GPC5: variants seen among roughly 807,000 people sequenced by gnomAD.
The protein encoded by GPC5 is glypican 5.
A neutral mutation model predicts 53.9 loss-of-function variants in GPC5; 47 were observed. The ratio of observed to expected loss-of-function variants is 0.87; its 90% CI spans 0.69 to 1.11. The LOEUF (loss-of-function observed/expected upper bound fraction) is 1.11. GPC5 is among the 50% of genes most tolerant of loss of function. The pLI, the probability that GPC5 is intolerant of heterozygous loss-of-function variation, is 0.00. For synonymous variants in GPC5, 286 were observed against 263.3 expected (o/e 1.09, Z -0.84); for missense variants, 748 against 713.1 (o/e 1.05, Z -0.56).
chr13:92,271,088 C>T lies in GPC5; in HGVS notation c.1561+126099C>T, dbSNP rs547313650. Among the ~76,000 whole-genome samples, 4 of 152,232 alleles carry T rather than the reference C, an allele frequency of 2.6e-5. No homozygotes were observed. In the East Asian group the frequency reaches 5.8e-4, roughly 22 times the overall value. ...TTGATGTAAACTATTGTTTCCAGGG[C>T]GCCCACAGAAACAATTTAGAGCCCA... is the stretch of plus-strand genomic sequence containing the variant. On this transcript the variant is annotated intron_variant, in intron 7 of 7. Coordinates refer to ENST00000377067, the MANE Select transcript of GPC5 (RefSeq NM_004466.6).
chr13:91,971,740 A>G (rs1477680091), intron 6 of GPC5, among the ~76,000 whole-genome samples: 1 of 152,146 alleles, frequency 6.6e-6, no homozygotes, highest in African/African-American at 2.4e-5. Context: ...AGTCATTCAG[A>G]AGCATGTTGT....
chr13:92,176,792 C>A (rs1286137684), intron 7 of GPC5, among the ~76,000 whole-genome samples: 2 of 152,140 alleles, frequency 1.3e-5, no homozygotes, highest in African/African-American at 4.8e-5. Context: ...ATTTCCAGCA[C>A]ACTACCAGGC....
intron 2 of GPC5, among the ~76,000 whole-genome samples, chr13:91,617,990 A>G (rs7996565): frequency 0.27 from 40,480 of 151,910 alleles, 7,002 homozygotes; most frequent in African/African-American, 0.5. Context: ...TCCTTCTTCT[A>G]TTTTTGCTCC....
At chr13:91,668,145 T>G (rs2035160890) in intron 2 of GPC5, among the ~76,000 whole-genome samples, 1 of 152,214 alleles carries the variant, frequency 6.6e-6, no homozygotes, top group Admixed American at 6.5e-5. Flanking sequence ...TTCCTTTTCC[T>G]TTTCTGCATG....
intron 2 of GPC5, among the ~76,000 whole-genome samples, chr13:91,476,521 C>CA (rs1882937808): frequency 1.3e-5 from 2 of 152,002 alleles, no homozygotes; most frequent in African/African-American, 4.8e-5. Context: ...TTTTGTAATA[C>CA]AAAATACATA....
chr13:92,509,476 A>T (rs964991388), intron 7 of GPC5: 27 of 152,102 alleles, frequency 1.8e-4, no homozygotes, highest in African/African-American at 6.0e-4. Flanking sequence ...ATATTTTCTT[A>T]TCTTTTTCTT....
chr13:92,527,208 A>G (rs924294559), intron 7 of GPC5, among the ~76,000 whole-genome samples: 1 of 32,900 alleles, frequency 3.0e-5, no homozygotes, highest in Admixed American at 4.0e-4. Context: ...AAAGAAAGAA[A>G]GAAAGAAAGA....
intron 7 of GPC5, among the ~76,000 whole-genome samples, chr13:92,488,506 C>G (rs1036538871): frequency 6.6e-6 from 1 of 152,158 alleles, no homozygotes; most frequent in African/African-American, 2.4e-5. Flanking sequence ...CGTGCTGATA[C>G]ATCAGCTGCT....
chr13:91,503,780 AAATAATAAT>A (rs74995934), intron 2 of GPC5, among the ~76,000 whole-genome samples: 18 of 132,882 alleles, frequency 1.4e-4, no homozygotes, highest in Admixed American at 3.1e-4. Flanking sequence ...CTCTGTCTCA[AAATAATAAT>A]AATAATAATA....
At chr13:91,981,918 G>A (rs976810549) in intron 6 of GPC5, among the ~76,000 whole-genome samples, 7 of 152,154 alleles carry the variant, frequency 4.6e-5, no homozygotes, top group Admixed American at 3.3e-4. Flanking sequence ...AGTAAACAGG[G>A]AATGATGAGA....
chr13:91,496,975 TG>T (rs1884304173), intron 2 of GPC5, among the ~76,000 whole-genome samples: 1 of 152,194 alleles, frequency 6.6e-6, no homozygotes. Flanking sequence ...CCCCCGTTAC[TG>T]TCTTTTTCTT....
chr13:91,582,724 A>G (rs965702486), intron 2 of GPC5, among the ~76,000 whole-genome samples: 1 of 152,196 alleles, frequency 6.6e-6, no homozygotes, highest in African/African-American at 2.4e-5. Context: ...TTTAATATCC[A>G]TTTATAGGCC....
At chr13:92,741,227 G>C (rs1473263805) in intron 7 of GPC5, among the ~76,000 whole-genome samples, 3 of 151,156 alleles carry the variant, frequency 2.0e-5, no homozygotes, top group Non-Finnish European at 4.4e-5. Flanking sequence ...CATTCATGAG[G>C]TGATGTTTAG....
chr13:92,260,799 A>C (rs764526802), intron 7 of GPC5, among the ~76,000 whole-genome samples: 1 of 152,078 alleles, frequency 6.6e-6, no homozygotes, highest in African/African-American at 2.4e-5. Context: ...TTCCTGTCTT[A>C]TTACTTGATT....
chr13:91,621,288 G>A (rs9589311), intron 2 of GPC5, among the ~76,000 whole-genome samples: 15,118 of 152,056 alleles, frequency 0.099, 1,002 homozygotes, highest in South Asian at 0.24. Flanking sequence ...TTATTTGCCT[G>A]CCTCATACCC....
intron 6 of GPC5, among the ~76,000 whole-genome samples, chr13:91,923,423 T>G (rs1016481436): frequency 3.9e-5 from 6 of 152,184 alleles, no homozygotes; most frequent in Non-Finnish European, 7.3e-5. Context: ...GCAGGCTGAC[T>G]TATGAGAGGA....
In GPC5 at chr13:92,513,483, T is replaced by TTTTA. The variant is rs60939622; in HGVS notation, c.1562-352799_1562-352798insTTTA. 1.6e-3 allele frequency among the ~76,000 whole-genome samples: 233 copies of TTTTA among 148,688 alleles called. No homozygotes were observed. In the East Asian group the frequency reaches 0.027, roughly 17 times the overall value. On this transcript the variant is annotated intron_variant, in intron 7 of 7. Coordinates refer to ENST00000377067, the MANE Select transcript of GPC5 (RefSeq NM_004466.6). ...AAAGCTTTTTTCTGTTTTTTTTTTT[T>TTTTA]AATTAAGGCATATAAGACATCTTTC...
chr13:92,166,941 C>CTCTCTCTCTCTCTA (rs1566465635), intron 7 of GPC5, among the ~76,000 whole-genome samples: 2 of 111,720 alleles, frequency 1.8e-5, no homozygotes, highest in Admixed American at 9.7e-5. Flanking sequence ...CTCTCTCTCT[C>CTCTCTCTCTCTCTA]TCTCTCTCTC....
intron 6 of GPC5, among the ~76,000 whole-genome samples, chr13:92,092,213 A>ACACCTTAGGCTCTCTGCATG (rs1566431279): frequency 6.6e-6 from 1 of 152,206 alleles, no homozygotes; most frequent in Non-Finnish European, 1.5e-5. Flanking sequence ...CATACTGCAT[A>ACACCTTAGGCTCTCTGCATG]CACCTTAGGC....
Sources: gnomAD v4.1 joint callset for allele counts (sites outside exome capture counted in the v4.1 genomes callset) on GRCh38, gnomAD v4.1.1 for gene constraint, MANE v1.5 for transcripts, NCBI Gene and HGNC (gene_info 2026-07-23, HGNC 2026-07-21) for gene names.